ZNF407: variants seen among roughly 807,000 people sequenced by gnomAD.
ZNF407 encodes zinc finger protein 407.
A neutral mutation model predicts 131.2 loss-of-function variants in ZNF407; 17 were observed. The observed-to-expected ratio is 0.13, with a 90% CI of 0.09 to 0.19. The LOEUF is 0.19. Among genes scored for constraint, ZNF407 ranks in the 10% least tolerant of loss-of-function variants. The pLI is 1.00. For synonymous variants in ZNF407, 1,156 were observed against 1,062.0 expected (o/e 1.09, Z -1.72); for missense variants, 2,681 against 2,830.6 (o/e 0.95, Z 1.20).
At chr18:74,676,307 G>A (rs1415349765) in intron 3 of ZNF407, among the ~76,000 whole-genome samples, 1 of 151,922 alleles carries the variant, frequency 6.6e-6, no homozygotes, top group Non-Finnish European at 1.5e-5. Context: ...GCCCAGGCTG[G>A]TCTCAAACTC....
chr18:74,880,229 G>C (rs556653510), intron 5 of ZNF407, among the ~76,000 whole-genome samples: 9 of 152,240 alleles, frequency 5.9e-5, no homozygotes, highest in Admixed American at 5.9e-4. Flanking sequence ...AAGATAGATT[G>C]CATTTATAAA....
At chr18:74,691,185 A>G (rs889375064) in intron 3 of ZNF407, among the ~76,000 whole-genome samples, 17 of 152,280 alleles carry the variant, frequency 1.1e-4, no homozygotes, top group African/African-American at 3.6e-4. Context: ...AGGCTGAGGC[A>G]GGAGAATTGC....
At position 74,877,220 on chromosome 18, in the gene ZNF407, A is replaced by G. The variant is rs1971170874; in HGVS notation, c.4901A>G (p.Asp1634Gly). Reference sequence around the variant, plus strand: ...AGGAAATTTACATGCCACTTATGTGATAGAAGTTTCACAGAGAAGTGGGCC... The same window carrying G: ...AGGAAATTTACATGCCACTTATGTGGTAGAAGTTTCACAGAGAAGTGGGCC... ...KERKFTCHLC[D>G]RSFTEKWALN... The change falls in exon 5 of 9, where the codon GAT becomes GGT. Residue 1634 changes from aspartate to glycine, a missense_variant. Transcript: ENST00000299687. 1 of 1,613,886 alleles carries G rather than the reference A, an allele frequency of 6.2e-7. No homozygotes were observed. Among genetic ancestry groups the G allele is most frequent in the African/African-American group, 1.3e-5 (1 of 74,936 alleles).
At chr18:74,746,253 G>A (rs566915021) in intron 3 of ZNF407, among the ~76,000 whole-genome samples, 13 of 152,196 alleles carry the variant, frequency 8.5e-5, no homozygotes, top group African/African-American at 2.9e-4. Flanking sequence ...TTGCAGGACC[G>A]GGAGTGGCTC....
chr18:74,988,807 A>G (rs1205874272), intron 8 of ZNF407, among the ~76,000 whole-genome samples: 1 of 152,200 alleles, frequency 6.6e-6, no homozygotes, highest in African/African-American at 2.4e-5. Flanking sequence ...CTAACAATCA[A>G]AAGACAACCT....
rs943699659 is a variant in ZNF407 at position 75,019,577 on chromosome 18, G to A, written c.5429-43573G>A. On this transcript the variant is annotated intron_variant, in intron 8 of 8. Transcript: ENST00000299687. ...AGTCCCACTCTTTCCCACTCAGGGT[G>A]CGAATCATCCCTTTGTCCAGAATAT... Among the ~76,000 whole-genome samples, 6 of 152,166 alleles carry A rather than the reference G, an allele frequency of 3.9e-5. No individual in the cohort carries two copies. The East Asian group carries it at 7.7e-4, about 20-fold the overall frequency.
At chr18:74,926,241 G>A (rs930110606) in intron 8 of ZNF407, among the ~76,000 whole-genome samples, 3 of 151,850 alleles carry the variant, frequency 2.0e-5, no homozygotes, top group African/African-American at 4.8e-5. Context: ...TCCCTTTCTC[G>A]CTCTCATTCC....
intron 1 of ZNF407, among the ~76,000 whole-genome samples, chr18:74,601,559 G>C (rs1568309717): frequency 1.3e-5 from 2 of 152,164 alleles, no homozygotes; most frequent in Admixed American, 1.3e-4. Flanking sequence ...AGGAAGTGTG[G>C]CACTGGCATC....
At chr18:74,686,295 A>G (rs1391681710) in intron 3 of ZNF407, among the ~76,000 whole-genome samples, 1 of 152,160 alleles carries the variant, frequency 6.6e-6, no homozygotes, top group Non-Finnish European at 1.5e-5. Context: ...AACTATTGTC[A>G]TATTCTCTCA....
At chr18:74,891,108 G>C (rs1487096373) in intron 7 of ZNF407, among the ~76,000 whole-genome samples, 1 of 152,210 alleles carries the variant, frequency 6.6e-6, no homozygotes, top group Non-Finnish European at 1.5e-5. Context: ...GGTATGTGTA[G>C]AGAGGCGTAG....
chr18:74,823,144 A>G (rs1225409543), intron 4 of ZNF407, among the ~76,000 whole-genome samples: 1 of 152,180 alleles, frequency 6.6e-6, no homozygotes, highest in Non-Finnish European at 1.5e-5. Flanking sequence ...AAAATCCTCT[A>G]CAGACATGCA....
intron 3 of ZNF407, among the ~76,000 whole-genome samples, chr18:74,714,919 G>A (rs1375001316): frequency 2.0e-5 from 3 of 152,018 alleles, no homozygotes; most frequent in South Asian, 2.1e-4. Context: ...CTCTGCTCAC[G>A]GTGGAACTGG....
intron 7 of ZNF407, among the ~76,000 whole-genome samples, chr18:74,913,366 A>T (rs1465134328): frequency 6.6e-6 from 1 of 152,208 alleles, no homozygotes; most frequent in Non-Finnish European, 1.5e-5. Context: ...AATACTATGA[A>T]GCTGTTAAAA....
intron 1 of ZNF407, among the ~76,000 whole-genome samples, chr18:74,627,855 C>CT (rs1983868070): frequency 7.1e-6 from 1 of 140,142 alleles, no homozygotes; most frequent in African/African-American, 2.8e-5. Context: ...CGCCCCGCCC[C>CT]GCCCCGCCCC....
intron 8 of ZNF407, among the ~76,000 whole-genome samples, chr18:75,053,823 T>C (rs1020306934): frequency 6.6e-6 from 1 of 152,182 alleles, no homozygotes; most frequent in Non-Finnish European, 1.5e-5. Context: ...TCCAGGTAGA[T>C]CCAAGGAAGG....
At chr18:74,912,273 A>G (rs773998204) in intron 7 of ZNF407, among the ~76,000 whole-genome samples, 5 of 152,042 alleles carry the variant, frequency 3.3e-5, no homozygotes, top group Non-Finnish European at 5.9e-5. Flanking sequence ...TCTCTCTAGT[A>G]CTGTAGTTAA....
At chr18:74,708,976 G>A (rs1967693366) in intron 3 of ZNF407, among the ~76,000 whole-genome samples, 1 of 152,210 alleles carries the variant, frequency 6.6e-6, no homozygotes, top group Admixed American at 6.5e-5. Context: ...ATGATTTAGT[G>A]TCTTACTTGG....
At chr18:75,012,510 CACTTTGCCAACG>C (rs1197238696) in intron 8 of ZNF407, among the ~76,000 whole-genome samples, 1 of 152,082 alleles carries the variant, frequency 6.6e-6, no homozygotes, top group Non-Finnish European at 1.5e-5. Flanking sequence ...AGTGTTACTA[CACTTTGCCAACG>C]ACTCATAGAC....
chr18:74,630,062 G>A (rs181344396), intron 1 of ZNF407, among the ~76,000 whole-genome samples: 34 of 152,008 alleles, frequency 2.2e-4, no homozygotes, highest in Non-Finnish European at 1.5e-4. Flanking sequence ...GCTTGAGCAC[G>A]AATGGTGATA....
Sources: gnomAD v4.1 joint callset for allele counts (sites outside exome capture counted in the v4.1 genomes callset) on GRCh38, gnomAD v4.1.1 for gene constraint, MANE v1.5 for transcripts, NCBI Gene and HGNC (gene_info 2026-07-23, HGNC 2026-07-21) for gene names.